The following LRRC4C variants were observed in gnomAD, a reference collection of about 807,000 sequenced individuals.
LRRC4C encodes leucine rich repeat containing 4C, also known as leucine-rich repeat-containing protein 4C.
Under a neutral mutation model 33.6 loss-of-function variants are expected in LRRC4C, and 5 were observed. That is an observed-to-expected ratio of 0.15 (90% CI 0.08 to 0.31). The LOEUF (loss-of-function observed/expected upper bound fraction) is 0.31, where lower values mean the gene tolerates loss of function less well. Among genes scored for constraint, LRRC4C ranks in the 10% least tolerant of loss-of-function variants. LRRC4C has a pLI of 1.00. For synonymous variants in LRRC4C, 329 were observed against 302.0 expected (o/e 1.09, Z -0.93); for missense variants, 560 against 796.7 (o/e 0.70, Z 3.58).
intron 1 of LRRC4C, among the ~76,000 whole-genome samples, chr11:41,151,396 C>T (rs909718433): frequency 1.3e-5 from 2 of 152,166 alleles, no homozygotes; most frequent in Non-Finnish European, 2.9e-5. Flanking sequence ...CTTGCCTTAT[C>T]ATCTGACTCA....
chr11:41,012,318 G>A (rs546550936), intron 1 of LRRC4C, among the ~76,000 whole-genome samples: 1 of 152,230 alleles, frequency 6.6e-6, no homozygotes, highest in Non-Finnish European at 1.5e-5. Flanking sequence ...GCACATAAGA[G>A]TGAGAATATG....
At chr11:41,103,092 C>T (rs868201949) in intron 1 of LRRC4C, among the ~76,000 whole-genome samples, 3 of 151,848 alleles carry the variant, frequency 2.0e-5, no homozygotes, top group South Asian at 2.1e-4. Context: ...GTATACTCTA[C>T]CATCTGATCT....
At chr11:41,210,147 G>C (rs540892798) in intron 1 of LRRC4C, among the ~76,000 whole-genome samples, 2 of 152,266 alleles carry the variant, frequency 1.3e-5, no homozygotes. Context: ...AAGCCACCCA[G>C]TCTGTGGTAT....
chr11:40,900,497 C>CAA (rs1352610190), intron 2 of LRRC4C, among the ~76,000 whole-genome samples: 2 of 152,010 alleles, frequency 1.3e-5, no homozygotes, highest in African/African-American at 2.4e-5. Context: ...TAGACCAAAC[C>CAA]AAGGAAAACA....
At chr11:40,891,697 G>A (rs1955713313) in intron 2 of LRRC4C, among the ~76,000 whole-genome samples, 1 of 152,024 alleles carries the variant, frequency 6.6e-6, no homozygotes. Context: ...TCAAAATCAC[G>A]AGATACTATC....
Position 40,540,653 on chromosome 11 carries a change from G to GA in LRRC4C, c.-270+107488dup, listed in dbSNP as rs370516508. On this transcript the variant is annotated intron_variant, in intron 3 of 6. Coordinates refer to ENST00000528697, the MANE Select transcript of LRRC4C (RefSeq NM_001258419.2). ...GACAATTTCAGTCCTTACTATTTAG[G>GA]AAAAAAAAATATCAAGTATATGTAG... 2.5e-3 allele frequency among the ~76,000 whole-genome samples: 370 copies of GA among 150,496 alleles called. 2 individuals are homozygous for GA. The highest frequency in any genetic ancestry group is 8.3e-3 in the African/African-American group (341 of 41,100).
At chr11:41,149,740 T>C (rs1943906820) in intron 1 of LRRC4C, among the ~76,000 whole-genome samples, 1 of 152,034 alleles carries the variant, frequency 6.6e-6, no homozygotes, top group Non-Finnish European at 1.5e-5. Context: ...CTCTATAACC[T>C]TGAGTGCTTG....
chr11:41,144,210 C>T (rs1943633411), intron 1 of LRRC4C, among the ~76,000 whole-genome samples: 1 of 152,118 alleles, frequency 6.6e-6, no homozygotes, highest in Non-Finnish European at 1.5e-5. Flanking sequence ...TCTGGTACAG[C>T]TTTCAGCTGG....
At chr11:40,306,303 C>T (rs572761884) in intron 4 of LRRC4C, among the ~76,000 whole-genome samples, 48 of 152,254 alleles carry the variant, frequency 3.2e-4, no homozygotes, top group African/African-American at 1.2e-3. Context: ...TGACCTTGAA[C>T]TAATTGCTTT....
At chr11:40,194,748 A>C (rs1213152839) in intron 5 of LRRC4C, among the ~76,000 whole-genome samples, 1 of 152,164 alleles carries the variant, frequency 6.6e-6, no homozygotes, top group African/African-American at 2.4e-5. Flanking sequence ...CTGCACATGT[A>C]TCCCAGAACT....
intron 1 of LRRC4C, among the ~76,000 whole-genome samples, chr11:41,130,759 T>C (rs1163213545): frequency 6.6e-6 from 1 of 151,972 alleles, no homozygotes; most frequent in South Asian, 2.1e-4. Context: ...TTTGCAATAT[T>C]AGAGTAAGTT....
chr11:41,261,431 A>C (rs551131724), intron 1 of LRRC4C, among the ~76,000 whole-genome samples: 3 of 152,256 alleles, frequency 2.0e-5, no homozygotes, highest in Admixed American at 6.6e-5. Flanking sequence ...GACACATTTG[A>C]AAGTGGAATA....
chr11:41,280,336 G>A (rs1949622545), intron 1 of LRRC4C, among the ~76,000 whole-genome samples: 1 of 149,002 alleles, frequency 6.7e-6, no homozygotes, highest in African/African-American at 2.5e-5. Context: ...GAGTTTCCTA[G>A]ATGGGTCAAG....
intron 2 of LRRC4C, among the ~76,000 whole-genome samples, chr11:40,902,139 A>G (rs984778930): frequency 6.6e-6 from 1 of 151,962 alleles, no homozygotes; most frequent in Non-Finnish European, 1.5e-5. Flanking sequence ...CTTGCATTGA[A>G]CAATTCGATC....
intron 1 of LRRC4C, among the ~76,000 whole-genome samples, chr11:41,242,420 G>T (rs1233545631): frequency 6.6e-6 from 1 of 152,104 alleles, no homozygotes; most frequent in East Asian, 1.9e-4. Flanking sequence ...GGGTCAGCAG[G>T]TCCATCTGTG....
intron 2 of LRRC4C, among the ~76,000 whole-genome samples, chr11:40,733,597 G>T (rs529886578): frequency 6.6e-6 from 1 of 152,066 alleles, no homozygotes; most frequent in Admixed American, 6.5e-5. Context: ...TCTTTCATAA[G>T]GCTAATAGTT....
At chr11:40,274,504 G>C (rs750412909) in intron 4 of LRRC4C, among the ~76,000 whole-genome samples, 9 of 150,826 alleles carry the variant, frequency 6.0e-5, no homozygotes, top group Non-Finnish European at 7.4e-5. Flanking sequence ...GCTAGACATG[G>C]ATAGTAGCAG....
intron 1 of LRRC4C, among the ~76,000 whole-genome samples, chr11:41,260,141 T>C (rs976687482): frequency 6.6e-6 from 1 of 152,196 alleles, no homozygotes; most frequent in East Asian, 1.9e-4. Context: ...CATAGTAGTC[T>C]GTCGTCTGTC....
At chr11:40,695,569 TC>T (rs1202873065) in intron 2 of LRRC4C, among the ~76,000 whole-genome samples, 1 of 152,052 alleles carries the variant, frequency 6.6e-6, no homozygotes, top group Non-Finnish European at 1.5e-5. Flanking sequence ...GTTCTGGAGG[TC>T]AGAAGTCTGA....
Sources: gnomAD v4.1 joint callset for allele counts (sites outside exome capture counted in the v4.1 genomes callset) on GRCh38, gnomAD v4.1.1 for gene constraint, MANE v1.5 for transcripts, NCBI Gene and HGNC (gene_info 2026-07-23, HGNC 2026-07-21) for gene names.